Variants in TSNAXIP1 observed in about 807,000 individuals in gnomAD.
The protein encoded by TSNAXIP1 is translin associated factor X interacting protein 1.
In TSNAXIP1, 89 loss-of-function variants were observed where a neutral mutation model predicts 84.8. The ratio of observed to expected loss-of-function variants is 1.05; its 90% CI spans 0.88 to 1.25. The LOEUF (loss-of-function observed/expected upper bound fraction) is 1.25. Among genes scored for constraint, TSNAXIP1 ranks in the 50% most tolerant of loss-of-function variants. TSNAXIP1 has a pLI of 0.00. For missense variants in TSNAXIP1, 874 were observed against 887.6 expected, an observed-to-expected ratio of 0.98 and a Z score of 0.20; for synonymous variants, 347 against 335.2, an observed-to-expected ratio of 1.04 and a Z score of -0.39.
At chr16:67,808,296 G>T (rs1435623602) in intron 1 of TSNAXIP1, among the ~76,000 whole-genome samples, 1 of 152,048 alleles carries the variant, frequency 6.6e-6, no homozygotes. Context: ...CCCCTAAGAG[G>T]CCAGGCACGG....
In TSNAXIP1 at chr16:67,827,237, T is replaced by A. The variant is rs752650594; in HGVS notation, c.1665-12T>A. ...CAGCAGGTCCCTGTTGGCCCTCATG[T>A]CTCCCCTACAGCACTGTCCTCAAGA... On this transcript the variant is annotated splice_polypyrimidine_tract_variant and intron_variant, in intron 13 of 15. Coordinates refer to ENST00000561639, the MANE Select transcript of TSNAXIP1 (RefSeq NM_001288990.3). 41 of 1,613,924 alleles carry A rather than the reference T, an allele frequency of 2.5e-5. No homozygotes were observed. Among genetic ancestry groups the A allele is most frequent in the Non-Finnish European group, 3.4e-5 (40 of 1,179,918 alleles).
At chr16:67,810,774 C>T (rs1411765711) in intron 1 of TSNAXIP1, among the ~76,000 whole-genome samples, 1 of 149,422 alleles carries the variant, frequency 6.7e-6, no homozygotes, top group Non-Finnish European at 1.5e-5. Context: ...GTGTCTCACT[C>T]TATTGCCCAG....
chr16:67,812,703 C>T (rs970015214), intron 1 of TSNAXIP1, among the ~76,000 whole-genome samples: 3 of 151,680 alleles, frequency 2.0e-5, no homozygotes, highest in Admixed American at 6.6e-5. Context: ...CAGTGGCTCA[C>T]GCCTGTAATC....
intron 5 of TSNAXIP1, among the ~76,000 whole-genome samples, chr16:67,824,210 CA>C (rs1331481458): frequency 6.6e-6 from 1 of 151,986 alleles, no homozygotes; most frequent in Non-Finnish European, 1.5e-5. Flanking sequence ...GAGCACCTGA[CA>C]ACACCTGTCA....
At chr16:67,821,291 C>T (rs1459530268) in intron 4 of TSNAXIP1, 66 bp downstream of exon 4, 35 of 1,570,762 alleles carry the variant, frequency 2.2e-5, no homozygotes, top group Admixed American at 2.0e-4. Context: ...ACCTACCGGC[C>T]GGGCACAGTG....
chr16:67,815,040 G>A (rs1261169524), intron 2 of TSNAXIP1, among the ~76,000 whole-genome samples: 3 of 151,870 alleles, frequency 2.0e-5, no homozygotes, highest in East Asian at 3.9e-4. Flanking sequence ...AAAAAGAGCC[G>A]GGCGCAGTGA....
chr16:67,822,944 C>T (rs2057178994), intron 4 of TSNAXIP1, among the ~76,000 whole-genome samples: 2 of 152,202 alleles, frequency 1.3e-5, no homozygotes, highest in South Asian at 4.1e-4. Context: ...AAGGGTACAA[C>T]CTTCAATCTC....
At position 67,826,285 on chromosome 16, in the gene TSNAXIP1, A is replaced by T; in HGVS notation, c.1275+3A>T. On this transcript the variant is annotated splice_donor_region_variant and intron_variant, in intron 10 of 15. Coordinates refer to ENST00000561639, the MANE Select transcript of TSNAXIP1 (RefSeq NM_001288990.3). ...AGAAAGACTTCTTCCCTGGTCTGGT[A>T]GGGGAGGCCCCAGGAGTGGGGCTTG... The T allele has an allele frequency of 6.3e-7, 1 of 1,577,838 alleles. No homozygotes were observed. Among genetic ancestry groups the T allele is most frequent in the Non-Finnish European group, 8.6e-7 (1 of 1,160,274 alleles).
intron 13 of TSNAXIP1, 48 bp downstream of exon 13, chr16:67,827,120 G>C: frequency 6.2e-7 from 1 of 1,607,588 alleles, no homozygotes; most frequent in Admixed American, 1.7e-5. Context: ...AACTATTCCT[G>C]CATCTGTAGG....
chr16:67,823,658 G>A lies in TSNAXIP1; in HGVS notation c.420G>A (p.Glu140=). 1 of 1,613,876 alleles carries A rather than the reference G, an allele frequency of 6.2e-7. No homozygotes were observed. Among genetic ancestry groups the A allele is most frequent in the Non-Finnish European group, 8.5e-7 (1 of 1,179,870 alleles). The change falls in exon 5 of 16, where the codon GAG becomes GAA. Residue 140 remains glutamate (E), a synonymous_variant. Transcript: ENST00000561639. ...GAGAGATCTTTGAGTTCTTCATAGA[G>A]GACTTCAAAACGTACAAGCCATTAC... ...PYREIFEFFI[E]DFKTYKPLLS... is the part of the protein sequence containing the mutation.
rs754958383 is a variant in TSNAXIP1, at chr16:67,827,815, ACAAG to A, written c.1964_1967del (p.Lys655ArgfsTer3). The A allele has an allele frequency of 1.3e-4, 203 of 1,613,986 alleles. 1 individual carries two copies. The highest frequency in any genetic ancestry group is 5.3e-4 in the South Asian group (48 of 91,076). ...CTGATGACCATCGACCCCAGCCTGGACAAGCAGACAGTGAACACCTACATGAGCC... is the reference window on the plus strand; with the variant it reads ...CTGATGACCATCGACCCCAGCCTGGACAGACAGTGAACACCTACATGAGCC... On this transcript the variant is annotated frameshift_variant, in exon 16 of 16. Coordinates refer to ENST00000561639, the MANE Select transcript of TSNAXIP1 (RefSeq NM_001288990.3). LOFTEE classifies it low-confidence loss of function (END_TRUNC).
chr16:67,827,375 G>A lies in TSNAXIP1; in HGVS notation c.1791G>A (p.Glu597=), dbSNP rs755809793. The stretch of plus-strand genomic sequence containing the variant: ...TCAACTACCGCTCACTGTTTATGGA[G>A]GTGGGTGTGTGGGGTCCGGGGACTG... ...DLLNYRSLFM[E]DEEGQSEPFV... Residue 597 remains glutamate (E), a splice_region_variant and synonymous_variant, in exon 14 of 16, where the codon GAG becomes GAA. Transcript: ENST00000561639. 9 of 1,614,110 alleles carry A rather than the reference G, an allele frequency of 5.6e-6. No homozygotes were observed. In the African/African-American group the frequency reaches 1.1e-4, roughly 19 times the overall value.
intron 5 of TSNAXIP1, 41 bp downstream of exon 5, chr16:67,823,760 G>A: frequency 6.4e-7 from 1 of 1,565,348 alleles, no homozygotes; most frequent in Non-Finnish European, 8.8e-7. Context: ...GCTCACGCCT[G>A]TAATCCCAGC....
Position 67,806,962 on chromosome 16 carries a change from G to A in TSNAXIP1, c.-188G>A. The A allele has an allele frequency of 2.2e-6, 2 of 900,238 alleles. No homozygotes were observed. Among genetic ancestry groups the A allele is most frequent in the South Asian group, 3.5e-5 (2 of 56,578 alleles). 55.8% of individuals were successfully genotyped at this position (900,238 alleles called of 1,614,324 possible). On this transcript the variant is annotated 5_prime_UTR_variant, in exon 1 of 16. Coordinates refer to ENST00000561639, the MANE Select transcript of TSNAXIP1 (RefSeq NM_001288990.3). ...TTGACTCTCAGGGCACCCGCTGCCG[G>A]GTCCCAGTCCACCTTTGCTACTTTG...
intron 1 of TSNAXIP1, among the ~76,000 whole-genome samples, chr16:67,809,102 C>T (rs1178369063): frequency 1.4e-5 from 2 of 138,970 alleles, no homozygotes; most frequent in Admixed American, 7.5e-5. Flanking sequence ...CCCAGAAGTT[C>T]GAGAGGGTGT....
chr16:67,822,539 G>T (rs1278562714), intron 4 of TSNAXIP1, among the ~76,000 whole-genome samples: 3 of 151,002 alleles, frequency 2.0e-5, no homozygotes, highest in Admixed American at 2.0e-4. Flanking sequence ...TAAGGAACCA[G>T]CACAGATGCA....
In TSNAXIP1 at chr16:67,827,590, C is replaced by T. The variant is rs752320299; in HGVS notation, c.1898+11C>T. The stretch of plus-strand genomic sequence containing the variant: ...GCTTGGCATAGAACTGTGAGTGACC[C>T]TCATCCATAGGCGAGTCCCACAGGC... On this transcript the variant is annotated intron_variant, in intron 15 of 15. Coordinates refer to ENST00000561639, the MANE Select transcript of TSNAXIP1 (RefSeq NM_001288990.3). The T allele has an allele frequency of 1.2e-6, 2 of 1,613,914 alleles. No homozygotes were observed. The highest frequency in any genetic ancestry group is 1.1e-5 in the South Asian group (1 of 91,058).
chr16:67,814,472 C>A, intron 2 of TSNAXIP1, 71 bp downstream of exon 2: 2 of 1,237,338 alleles, frequency 1.6e-6, no homozygotes, highest in Non-Finnish European at 2.3e-6. Flanking sequence ...TTCCTGCAAC[C>A]CAAGAGTACC....
chr16:67,825,025 C>G (rs2057335803), intron 6 of TSNAXIP1, 112 bp from the exon 7 acceptor site: 1 of 1,417,492 alleles, frequency 7.1e-7, no homozygotes, highest in Admixed American at 2.3e-5. Flanking sequence ...TTCACCTTTC[C>G]TGTTCACAGT....
Sources: allele counts gnomAD v4.1 joint callset (sites outside exome capture counted in the v4.1 genomes callset), GRCh38; gene constraint gnomAD v4.1.1; transcripts MANE v1.5; gene names NCBI Gene and HGNC (gene_info 2026-07-23, HGNC 2026-07-21).